Variants in ABCA13 observed in about 807,000 individuals in gnomAD.
ABCA13 encodes ATP-binding cassette sub-family A member 13.
In ABCA13, 476 loss-of-function variants were observed where a neutral mutation model predicts 478.7. The ratio of observed to expected loss-of-function variants is 0.99; its 90% confidence interval spans 0.92 to 1.07. ABCA13 has a LOEUF of 1.07. Ranked by LOEUF, ABCA13 falls within the 50% of genes least tolerant of loss-of-function variation. The pLI is 0.00. For missense variants in ABCA13, 6,060 were observed against 5,910.6 expected (o/e 1.03, Z -0.83); for synonymous variants, 2,252 against 2,158.9 (o/e 1.04, Z -1.20).
intron 20 of ABCA13, among the ~76,000 whole-genome samples, chr7:48,290,967 A>G (rs1449912695): frequency 8.7e-5 from 13 of 148,850 alleles, no homozygotes; most frequent in East Asian, 2.0e-4. Flanking sequence ...AAAAAAAAAA[A>G]AGAGAAAAGA....
At chr7:48,203,428 C>T (rs1328712447) in intron 3 of ABCA13, among the ~76,000 whole-genome samples, 3 of 152,216 alleles carry the variant, frequency 2.0e-5, no homozygotes, top group South Asian at 4.1e-4. Flanking sequence ...GCAGAGGAGG[C>T]GCTGAGAGCA....
intron 48 of ABCA13, among the ~76,000 whole-genome samples, chr7:48,500,733 G>A (rs1830667564): frequency 6.6e-6 from 1 of 152,158 alleles, no homozygotes; most frequent in Admixed American, 6.5e-5. Flanking sequence ...TCTTCCCACT[G>A]AAGCTCCAGG....
rs542200517 is a variant in ABCA13 at position 48,543,033 on chromosome 7, A to G, written c.14354+14688A>G. On this transcript the variant is annotated intron_variant, in intron 55 of 61. Coordinates refer to ENST00000435803, the MANE Select transcript of ABCA13 (RefSeq NM_152701.5). The stretch of plus-strand genomic sequence containing the variant: ...ATACACATTTTACATTAGTGATAAA[A>G]GGAAAAGAAGTTGCAAAATTTTCCT... 1.2e-4 allele frequency among the ~76,000 whole-genome samples: 18 copies of G among 152,032 alleles called. No homozygotes were observed. The South Asian group carries it at 2.3e-3, about 19-fold the overall frequency.
At chr7:48,410,093 C>CAAAAAAAAAAAAAAAAAAAAAA (rs58724216) in intron 39 of ABCA13, among the ~76,000 whole-genome samples, 1 of 67,174 alleles carries the variant, frequency 1.5e-5, no homozygotes, top group Non-Finnish European at 2.8e-5. Flanking sequence ...GACTCCATCT[C>CAAAAAAAAAAAAAAAAAAAAAA]AAAAAAAAAA....
chr7:48,192,882 A>G (rs145553059), intron 1 of ABCA13, 77 bp from the exon 2 acceptor site: 83,965 of 1,117,318 alleles, frequency 0.075, 3,640 homozygotes, highest in East Asian at 0.14. Context: ...GATTAAAATG[A>G]CCTCCTTCAA....
chr7:48,174,896 T>C (rs1417463016), intron 1 of ABCA13, among the ~76,000 whole-genome samples: 3 of 152,248 alleles, frequency 2.0e-5, no homozygotes, highest in Non-Finnish European at 4.4e-5. Flanking sequence ...ACCATTTCCT[T>C]ATGTTGAGGA....
chr7:48,214,087 A>T (rs1446804731), intron 3 of ABCA13, among the ~76,000 whole-genome samples: 2 of 152,190 alleles, frequency 1.3e-5, no homozygotes, highest in Non-Finnish European at 2.9e-5. Context: ...TTCTTGCTCC[A>T]CGTGCTGCAG....
In ABCA13 at chr7:48,273,809, A is replaced by G. The variant is rs1293540573; in HGVS notation, c.4143A>G (p.Thr1381=). 2 of 1,611,688 alleles carry G rather than the reference A, an allele frequency of 1.2e-6. No homozygotes were observed. Among genetic ancestry groups the G allele is most frequent in the East Asian group, 4.5e-5 (2 of 44,782 alleles). ...GTATTCTAGACACGTTAAATTCCAC[A>G]TTTTCCTCTGAGAACACAATTAGCA... ...MLRILDTLNS[T]FSSENTISSL... The change falls in exon 17 of 62, where the codon ACA becomes ACG. Residue 1381 remains threonine (T), a synonymous_variant. Coordinates refer to ENST00000435803, the MANE Select transcript of ABCA13 (RefSeq NM_152701.5).
chr7:48,409,528 T>C (rs908189092), intron 39 of ABCA13, among the ~76,000 whole-genome samples: 2 of 151,896 alleles, frequency 1.3e-5, no homozygotes. Context: ...CACAACATAC[T>C]CTCCTCTCTG....
intron 3 of ABCA13, among the ~76,000 whole-genome samples, chr7:48,199,999 G>A (rs534037921): frequency 1.3e-5 from 2 of 152,178 alleles, no homozygotes; most frequent in Non-Finnish European, 2.9e-5. Context: ...GCAATGCATG[G>A]CACAGAGGCA....
rs554786165 is a variant in ABCA13 at position 48,376,390 on chromosome 7, A to C, written c.11204-51A>C. On this transcript the variant is annotated intron_variant, in intron 34 of 61. Coordinates refer to ENST00000435803, the MANE Select transcript of ABCA13 (RefSeq NM_152701.5). ...TAATGAACTCATCATGACAAAATCT[A>C]CCATAAAAGAGCTTGTGCAGTTCTA... The C allele has an allele frequency of 1.4e-5, 22 of 1,581,602 alleles. No homozygotes were observed. The East Asian group carries it at 4.7e-4, about 34-fold the overall frequency.
At chr7:48,270,752 G>T (rs1044225552) in intron 16 of ABCA13, among the ~76,000 whole-genome samples, 5 of 152,146 alleles carry the variant, frequency 3.3e-5, no homozygotes, top group South Asian at 4.1e-4. Context: ...TCTGTCCTAT[G>T]TCAGACAGTG....
chr7:48,193,598 TGATGATGAA>T (rs1446698305), intron 2 of ABCA13, among the ~76,000 whole-genome samples: 1 of 151,714 alleles, frequency 6.6e-6, no homozygotes, highest in Non-Finnish European at 1.5e-5. Context: ...AAGATGATGA[TGATGATGAA>T]GATGATGATA....
chr7:48,368,624 G>A (rs1199649067), intron 32 of ABCA13, among the ~76,000 whole-genome samples: 2 of 149,376 alleles, frequency 1.3e-5, no homozygotes, highest in African/African-American at 2.5e-5. Flanking sequence ...AGGTTGCTCT[G>A]AATGCTATTA....
At chr7:48,630,920 T>A (rs1240090340) in intron 59 of ABCA13, among the ~76,000 whole-genome samples, 3 of 152,020 alleles carry the variant, frequency 2.0e-5, no homozygotes, top group Non-Finnish European at 2.9e-5. Context: ...ATGATGAGTA[T>A]TTTTTTCATA....
intron 59 of ABCA13, among the ~76,000 whole-genome samples, chr7:48,626,206 C>T (rs945718825): frequency 6.6e-6 from 1 of 152,064 alleles, no homozygotes; most frequent in Admixed American, 6.5e-5. Context: ...TAAGAAAGAC[C>T]ATTAGCACGA....
At chr7:48,621,487 G>A (rs1793129151) in intron 59 of ABCA13, among the ~76,000 whole-genome samples, 1 of 151,912 alleles carries the variant, frequency 6.6e-6, no homozygotes, top group Non-Finnish European at 1.5e-5. Context: ...AAAACCCAGG[G>A]GTACCACAAT....
In ABCA13 at chr7:48,279,080, A is replaced by G. The variant is rs1202509643; in HGVS notation, c.7886A>G (p.Lys2629Arg). Residue 2629 changes from lysine (K) to arginine (R), a missense_variant, in exon 18 of 62, where the codon AAG becomes AGG. By Grantham distance (26) the Lys-to-Arg change is conservative (BLOSUM62 2). Around this residue, in one of 3 missense-constraint regions of ABCA13, gnomAD observed 4,423 missense variants for 4,309.1 expected, o/e 1.03. Coordinates refer to ENST00000435803, the MANE Select transcript of ABCA13 (RefSeq NM_152701.5). ...PSILSYMNQSKDFSDILEEIA... is the reference protein window; with the variant it reads ...PSILSYMNQSRDFSDILEEIA... ...ATACTCTCATATATGAACCAATCTA[A>G]GGACTTTTCTGATATTTTGGAAGAA... The G allele has an allele frequency of 6.2e-7, 1 of 1,612,732 alleles. No homozygotes were observed. Among genetic ancestry groups the G allele is most frequent in the Non-Finnish European group, 8.5e-7 (1 of 1,179,738 alleles).
chr7:48,209,563 T>G (rs113882293), intron 3 of ABCA13, among the ~76,000 whole-genome samples: 7,362 of 152,254 alleles, frequency 0.048, 482 homozygotes, highest in African/African-American at 0.14. Flanking sequence ...TTATTCAAAT[T>G]TTGGATTTCT....
Sources: allele counts gnomAD v4.1 joint callset (sites outside exome capture counted in the v4.1 genomes callset), GRCh38; gene constraint gnomAD v4.1.1; regional missense constraint gnomAD v4.1.1; transcripts MANE v1.5; gene names NCBI Gene and HGNC (gene_info 2026-07-23, HGNC 2026-07-21).